The following ADGRL2 variants were observed in gnomAD, a reference collection of about 807,000 sequenced individuals.
The protein encoded by ADGRL2 is adhesion G protein-coupled receptor L2.
Under a neutral mutation model 157.4 loss-of-function variants are expected in ADGRL2, and 44 were observed. The observed-to-expected ratio is 0.28, with a 90% CI of 0.22 to 0.36. The LOEUF (loss-of-function observed/expected upper bound fraction) is 0.36, where lower values mean the gene tolerates loss of function less well. ADGRL2 is among the 10% of genes least tolerant of loss of function. The probability of loss-of-function intolerance (pLI) is 1.00; values close to 1 mark genes in which losing one functional copy is unlikely to be tolerated. For missense variants in ADGRL2, 1,510 were observed against 1,768.9 expected (o/e 0.85, Z 2.63); for synonymous variants, 585 against 624.7 (o/e 0.94, Z 0.95).
chr1:81,986,794 C>A, intron 21 of ADGRL2, 107 bp from the exon 22 acceptor site: 1 of 1,121,484 alleles, frequency 8.9e-7, no homozygotes, highest in Non-Finnish European at 1.3e-6. Flanking sequence ...AACTTGTCCA[C>A]TACCCTTGAT....
At chr1:81,884,141 A>G (rs2094064942) in intron 2 of ADGRL2, among the ~76,000 whole-genome samples, 1 of 151,520 alleles carries the variant, frequency 6.6e-6, no homozygotes, top group South Asian at 2.1e-4. Flanking sequence ...ATGTGCGACA[A>G]CTCCCAACTA....
At chr1:81,773,767 A>G (rs903078750) in intron 2 of ADGRL2, among the ~76,000 whole-genome samples, 1 of 152,164 alleles carries the variant, frequency 6.6e-6, no homozygotes. Flanking sequence ...TTTATTTTCT[A>G]GTTAAGTGGT....
At chr1:81,850,251 T>A (rs2150488849) in intron 2 of ADGRL2, among the ~76,000 whole-genome samples, 1 of 152,012 alleles carries the variant, frequency 6.6e-6, no homozygotes, top group East Asian at 1.9e-4. Flanking sequence ...GTGAGTGAAG[T>A]TAAGAGGCAG....
At chr1:81,851,734 T>TTTTGTGTGTGTG (rs2093013465) in intron 2 of ADGRL2, among the ~76,000 whole-genome samples, 1 of 146,338 alleles carries the variant, frequency 6.8e-6, no homozygotes, top group Non-Finnish European at 1.5e-5. Context: ...CCACTTAAAT[T>TTTTGTGTGTGTG]TGTGTGTGTG....
In ADGRL2 at chr1:81,910,100, C is replaced by T. The variant is rs559130043; in HGVS notation, c.287+2870C>T. The stretch of plus-strand genomic sequence containing the variant: ...ACTAAAAATATAAAGATTAGCCAGG[C>T]GTGGTGGCAGGCACCTGTAATCCCA... On this transcript the variant is annotated intron_variant, in intron 3 of 23. Transcript: ENST00000686636. 8.2e-4 allele frequency among the ~76,000 whole-genome samples: 125 copies of T among 151,876 alleles called. 5 individuals carry two copies. The South Asian group carries it at 0.024, about 29-fold the overall frequency.
At chr1:81,713,051 C>A (rs745324419) in intron 1 of ADGRL2, among the ~76,000 whole-genome samples, 1 of 152,030 alleles carries the variant, frequency 6.6e-6, no homozygotes, top group East Asian at 1.9e-4. Context: ...AGCCACCATG[C>A]CCGGCTTGAG....
At chr1:81,561,157 C>A (rs1243260109) in intron 2 of ADGRL2, among the ~76,000 whole-genome samples, 1 of 152,004 alleles carries the variant, frequency 6.6e-6, no homozygotes, top group Non-Finnish European at 1.5e-5. Context: ...TCTACTCTTT[C>A]TTTTCTACTT....
At chr1:81,618,063 G>T (rs58807330) in intron 3 of ADGRL2, among the ~76,000 whole-genome samples, 4,251 of 149,420 alleles carry the variant, frequency 0.028, 191 homozygotes, top group African/African-American at 0.098. Context: ...GTTATGTTGG[G>T]TTTTTTTTTT....
intron 1 of ADGRL2, among the ~76,000 whole-genome samples, chr1:81,435,139 T>TA (rs1274186656): frequency 3.3e-5 from 5 of 152,164 alleles, no homozygotes. Flanking sequence ...CCAAACACAT[T>TA]AAAAAATATT....
intron 3 of ADGRL2, among the ~76,000 whole-genome samples, chr1:81,936,072 C>A (rs1427922672): frequency 6.6e-6 from 1 of 151,780 alleles, no homozygotes; most frequent in East Asian, 1.9e-4. Context: ...AACAATAATG[C>A]TTAGACATTA....
At chr1:81,802,218 TCGCAGACGGAGGTAAGAGC>T (rs2088310212) in intron 1 of ADGRL2, among the ~76,000 whole-genome samples, 1 of 151,916 alleles carries the variant, frequency 6.6e-6, no homozygotes, top group African/African-American at 2.4e-5. Flanking sequence ...CGGGGCGCGC[TCGCAGACGGAGGTAAGAGC>T]CGCAGGAGCG....
intron 3 of ADGRL2, among the ~76,000 whole-genome samples, chr1:81,652,210 A>T (rs940573296): frequency 6.6e-6 from 1 of 152,196 alleles, no homozygotes; most frequent in Non-Finnish European, 1.5e-5. Context: ...ACCTTGTTTC[A>T]ATTGTTCTCC....
intron 17 of ADGRL2, among the ~76,000 whole-genome samples, chr1:81,978,839 A>G (rs1173181719): frequency 6.6e-6 from 1 of 151,752 alleles, no homozygotes; most frequent in Non-Finnish European, 1.5e-5. Flanking sequence ...ATCCTTACCT[A>G]TAATAGGTGA....
chr1:81,522,675 G>C (rs1047703458), intron 2 of ADGRL2, among the ~76,000 whole-genome samples: 1 of 152,132 alleles, frequency 6.6e-6, no homozygotes, highest in African/African-American at 2.4e-5. Context: ...GAGGAAAAGG[G>C]ACAAAAACAA....
chr1:81,654,652 C>T (rs2082492760), intron 3 of ADGRL2, among the ~76,000 whole-genome samples: 1 of 152,198 alleles, frequency 6.6e-6, no homozygotes, highest in South Asian at 2.1e-4. Flanking sequence ...GCTTCATCGT[C>T]CCTCTGCCTT....
At chr1:81,489,690 C>T (rs986387103) in intron 2 of ADGRL2, among the ~76,000 whole-genome samples, 3 of 152,148 alleles carry the variant, frequency 2.0e-5, no homozygotes, top group African/African-American at 7.2e-5. Context: ...GATTGAAAGA[C>T]AGAGAATCTT....
intron 1 of ADGRL2, among the ~76,000 whole-genome samples, chr1:81,400,813 C>T (rs749441350): frequency 9.2e-5 from 14 of 152,158 alleles, no homozygotes; most frequent in South Asian, 2.1e-4. Context: ...CTCTGGGAAG[C>T]GGGTCCAGCT....
chr1:81,633,875 C>A (rs1378023799), intron 3 of ADGRL2, among the ~76,000 whole-genome samples: 1 of 152,134 alleles, frequency 6.6e-6, no homozygotes, highest in Non-Finnish European at 1.5e-5. Context: ...ACCAGACACC[C>A]AAATCATGAT....
At chr1:81,839,327 G>T (rs1281472695) in intron 2 of ADGRL2, among the ~76,000 whole-genome samples, 1 of 151,828 alleles carries the variant, frequency 6.6e-6, no homozygotes, top group Non-Finnish European at 1.5e-5. Flanking sequence ...CATGCTTAGG[G>T]TTCAAAAATA....
Sources: gnomAD v4.1 joint callset for allele counts (sites outside exome capture counted in the v4.1 genomes callset) on GRCh38, gnomAD v4.1.1 for gene constraint, MANE v1.5 for transcripts, NCBI Gene and HGNC (gene_info 2026-07-23, HGNC 2026-07-21) for gene names.